SH3RF1: variants seen among roughly 807,000 people sequenced by gnomAD.
SH3RF1 encodes E3 ubiquitin-protein ligase SH3RF1.
In SH3RF1, 32 loss-of-function variants were observed where a neutral mutation model predicts 74.0. The observed-to-expected ratio is 0.43, with a 90% CI of 0.33 to 0.58. The LOEUF is 0.58. Among genes scored for constraint, SH3RF1 ranks in the 20% least tolerant of loss-of-function variants. The pLI is 0.05. For synonymous variants in SH3RF1, 396 were observed against 439.6 expected, an observed-to-expected ratio of 0.90 and a Z score of 1.24; for missense variants, 954 against 1,130.9, an observed-to-expected ratio of 0.84 and a Z score of 2.24.
intron 2 of SH3RF1, among the ~76,000 whole-genome samples, chr4:169,244,934 C>T (rs1012183088): frequency 1.3e-5 from 2 of 151,954 alleles, no homozygotes; most frequent in Non-Finnish European, 2.9e-5. Context: ...AAAGGTTTTG[C>T]AAAATAAAAG....
intron 4 of SH3RF1, among the ~76,000 whole-genome samples, chr4:169,154,340 C>T (rs112976591): frequency 9.2e-5 from 14 of 152,120 alleles, no homozygotes; most frequent in African/African-American, 3.4e-4. Flanking sequence ...TTTATGAAAA[C>T]GTTGGCAATC....
intron 8 of SH3RF1, among the ~76,000 whole-genome samples, chr4:169,119,278 ATTTTTTTTTTT>A (rs11397253): frequency 4.5e-5 from 3 of 66,410 alleles, no homozygotes; most frequent in Admixed American, 1.9e-4. Context: ...TAATTTTTGT[ATTTTTTTTTTT>A]TTTTTTTTTT....
intron 2 of SH3RF1, among the ~76,000 whole-genome samples, chr4:169,185,145 A>G (rs1226934778): frequency 3.3e-5 from 5 of 152,196 alleles, no homozygotes; most frequent in Admixed American, 3.3e-4. Context: ...ATTTTGTTCA[A>G]TCATCCCACA....
intron 2 of SH3RF1, among the ~76,000 whole-genome samples, chr4:169,250,105 T>G (rs1362582269): frequency 6.6e-6 from 1 of 152,230 alleles, no homozygotes; most frequent in East Asian, 1.9e-4. Flanking sequence ...GTCACTTCTC[T>G]TCCTAAGAAT....
At chr4:169,255,996 G>C (rs916698487) in intron 2 of SH3RF1, among the ~76,000 whole-genome samples, 1 of 151,950 alleles carries the variant, frequency 6.6e-6, no homozygotes, top group Non-Finnish European at 1.5e-5. Flanking sequence ...TCAAATTCCT[G>C]GGCTCAAGCA....
chr4:169,214,679 A>G (rs1202723844), intron 2 of SH3RF1, among the ~76,000 whole-genome samples: 1 of 152,126 alleles, frequency 6.6e-6, no homozygotes, highest in East Asian at 1.9e-4. Flanking sequence ...GTCCATATAT[A>G]TGTGTATATA....
At chr4:169,267,102 T>C (rs1449763666) in intron 2 of SH3RF1, among the ~76,000 whole-genome samples, 1 of 152,208 alleles carries the variant, frequency 6.6e-6, no homozygotes, top group African/African-American at 2.4e-5. Context: ...AAGTTCAATT[T>C]TGGGAGCTTA....
intron 2 of SH3RF1, among the ~76,000 whole-genome samples, chr4:169,223,752 T>C (rs1463270035): frequency 6.6e-6 from 1 of 152,108 alleles, no homozygotes; most frequent in Non-Finnish European, 1.5e-5. Flanking sequence ...CAAATAAAAA[T>C]AAACCAGGGT....
intron 2 of SH3RF1, among the ~76,000 whole-genome samples, chr4:169,249,813 A>T (rs951055104): frequency 1.3e-5 from 2 of 152,230 alleles, no homozygotes; most frequent in Non-Finnish European, 2.9e-5. Flanking sequence ...TGAGTGACTT[A>T]TAAAGAGAGA....
At chr4:169,127,044 C>G (rs897652963) in intron 6 of SH3RF1, among the ~76,000 whole-genome samples, 3 of 152,186 alleles carry the variant, frequency 2.0e-5, no homozygotes, top group Non-Finnish European at 4.4e-5. Context: ...TTTAAAAGGC[C>G]TTCTGCCATT....
chr4:169,238,491 T>C (rs1274136058), intron 2 of SH3RF1, among the ~76,000 whole-genome samples: 1 of 152,210 alleles, frequency 6.6e-6, no homozygotes, highest in Non-Finnish European at 1.5e-5. Flanking sequence ...TTCTTATACA[T>C]CTTGTCCTGA....
rs944515117 is a variant in SH3RF1, at chr4:169,116,603, G to A, written c.1805C>T (p.Thr602Met). The A allele has an allele frequency of 1.0e-5, 16 of 1,559,976 alleles. No homozygotes were observed. Among genetic ancestry groups the A allele is most frequent in the African/African-American group, 4.1e-5 (3 of 73,988 alleles). The change falls in exon 10 of 12, where the codon ACG becomes ATG. Residue 602 changes from threonine (T) to methionine (M), a missense_variant. Thr to Met is a moderately conservative substitution (Grantham distance 81). Coordinates refer to ENST00000284637, the MANE Select transcript of SH3RF1 (RefSeq NM_020870.4). The stretch of plus-strand genomic sequence containing the variant: ...TACCTGGATGGGTGTCACTGCTGCC[G>A]TGGGGCGTTCCTGGTTGTGCGCTGC... ...TVAAHNQERP[T>M]AAVTPIQVQN...
chr4:169,169,184 C>T (rs944276145), intron 2 of SH3RF1, among the ~76,000 whole-genome samples: 1 of 152,204 alleles, frequency 6.6e-6, no homozygotes, highest in Non-Finnish European at 1.5e-5. Flanking sequence ...TAAACAATTA[C>T]TTCAGGAAAA....
intron 10 of SH3RF1, among the ~76,000 whole-genome samples, chr4:169,112,701 A>G (rs1404680849): frequency 3.3e-5 from 5 of 152,216 alleles, no homozygotes; most frequent in Non-Finnish European, 4.4e-5. Flanking sequence ...AACAAAGAAC[A>G]TAACGTGGCC....
At chr4:169,191,640 A>AACTAT (rs765412640) in intron 2 of SH3RF1, among the ~76,000 whole-genome samples, 5 of 152,206 alleles carry the variant, frequency 3.3e-5, no homozygotes, top group Non-Finnish European at 7.4e-5. Context: ...CCTGACTTCA[A>AACTAT]ACTATACTAA....
chr4:169,148,557 G>A (rs973177907), intron 4 of SH3RF1, among the ~76,000 whole-genome samples: 11 of 152,212 alleles, frequency 7.2e-5, no homozygotes, highest in Admixed American at 2.6e-4. Flanking sequence ...TGATTATATT[G>A]TAGAAATAAA....
chr4:169,217,933 T>C (rs1483092445), intron 2 of SH3RF1, among the ~76,000 whole-genome samples: 1 of 152,074 alleles, frequency 6.6e-6, no homozygotes, highest in Admixed American at 6.6e-5. Context: ...CTCTTCAATT[T>C]CCCTGAGAAC....
At chr4:169,126,466 A>G (rs1733527202) in intron 6 of SH3RF1, among the ~76,000 whole-genome samples, 1 of 152,190 alleles carries the variant, frequency 6.6e-6, no homozygotes, top group Non-Finnish European at 1.5e-5. Flanking sequence ...CCCTGAACCC[A>G]CCAACAACAG....
intron 2 of SH3RF1, among the ~76,000 whole-genome samples, chr4:169,177,421 A>C (rs1431393397): frequency 2.0e-5 from 3 of 152,234 alleles, no homozygotes; most frequent in Non-Finnish European, 4.4e-5. Context: ...CAAATAAGCA[A>C]AGGCCAATAC....
Sources: allele counts gnomAD v4.1 joint callset (sites outside exome capture counted in the v4.1 genomes callset), GRCh38; gene constraint gnomAD v4.1.1; transcripts MANE v1.5; gene names NCBI Gene and HGNC (gene_info 2026-07-23, HGNC 2026-07-21).